ATOSA: variants seen among roughly 807,000 people sequenced by gnomAD.
The protein encoded by ATOSA is atos homolog A, also known as atos homolog protein A.
the ATOSA span, among the ~76,000 whole-genome samples, chr15:52,596,778 T>C: frequency 3.9e-5 from 6 of 152,330 alleles, no homozygotes; most frequent in East Asian, 7.7e-4. Context: ...GGCTAGGCAA[T>C]GTTTTTTTAG....
the ATOSA span, among the ~76,000 whole-genome samples, chr15:52,659,051 A>G: frequency 1.3e-5 from 2 of 151,834 alleles, no homozygotes; most frequent in African/African-American, 4.8e-5. Flanking sequence ...GCCATCTGAT[A>G]CTCTCTTACT....
chr15:52,619,275 A>C, the ATOSA span, among the ~76,000 whole-genome samples: 1 of 152,208 alleles, frequency 6.6e-6, no homozygotes, highest in Admixed American at 6.5e-5. Flanking sequence ...ATTTTTTTAA[A>C]GAAAAGTTAC....
At chr15:52,629,671 G>A in the ATOSA span, 8 of 408,596 alleles carry the variant, frequency 2.0e-5, no homozygotes, top group Middle Eastern at 7.8e-4. Flanking sequence ...GCCTGATGGC[G>A]GGCACCTGTA....
the ATOSA span, chr15:52,593,455 A>C: frequency 2.2e-6 from 2 of 899,290 alleles, no homozygotes; most frequent in African/African-American, 1.7e-5. Context: ...ATATTTTGGC[A>C]TATTAGTTTG....
At chr15:52,635,036 G>C in the ATOSA span, among the ~76,000 whole-genome samples, 1 of 152,178 alleles carries the variant, frequency 6.6e-6, no homozygotes, top group African/African-American at 2.4e-5. Context: ...TCAGAAAAAA[G>C]TGATATTGCT....
At chr15:52,678,106 G>A in the ATOSA span, 1 of 1,508,052 alleles carries the variant, frequency 6.6e-7, no homozygotes, top group Non-Finnish European at 9.2e-7. Context: ...TACGGCTTCT[G>A]CTTCGCTTTC....
the ATOSA span, among the ~76,000 whole-genome samples, chr15:52,610,627 TC>T: frequency 2.0e-5 from 3 of 152,210 alleles, no homozygotes; most frequent in Non-Finnish European, 4.4e-5. Context: ...GCATTAAAGC[TC>T]AAGAATATTA....
At chr15:52,664,125 T>C in the ATOSA span, among the ~76,000 whole-genome samples, 3 of 152,220 alleles carry the variant, frequency 2.0e-5, no homozygotes, top group African/African-American at 4.8e-5. Flanking sequence ...CACTCTGCCT[T>C]GTGCTCAGTC....
chr15:52,611,804 T>C, the ATOSA span: 8 of 1,607,582 alleles, frequency 5.0e-6, no homozygotes, highest in East Asian at 6.7e-5. Flanking sequence ...ATAAGCAAAA[T>C]GTCTCAAAAA....
At chr15:52,673,490 C>G in the ATOSA span, among the ~76,000 whole-genome samples, 1 of 152,182 alleles carries the variant, frequency 6.6e-6, no homozygotes, top group Non-Finnish European at 1.5e-5. Flanking sequence ...ATCCATAAAA[C>G]AGAGATGACA....
chr15:52,629,619 T>C, the ATOSA span: 25 of 402,162 alleles, frequency 6.2e-5, no homozygotes, highest in African/African-American at 4.5e-4. Context: ...CTGGCCAACA[T>C]GGTGAAATCC....
At chr15:52,632,986 G>T in the ATOSA span, among the ~76,000 whole-genome samples, 10 of 152,154 alleles carry the variant, frequency 6.6e-5, no homozygotes, top group East Asian at 1.9e-3. Flanking sequence ...ATTCACTGTA[G>T]AATTCAATTT....
the ATOSA span, among the ~76,000 whole-genome samples, chr15:52,672,109 G>A: frequency 7.1e-6 from 1 of 140,100 alleles, no homozygotes; most frequent in South Asian, 2.3e-4. Context: ...GGCTGAGCCA[G>A]GAGGGCTGCT....
the ATOSA span, among the ~76,000 whole-genome samples, chr15:52,641,351 C>G: frequency 0.56 from 85,876 of 152,182 alleles, 28,464 homozygotes; most frequent in Non-Finnish European, 0.74. Flanking sequence ...CAAGAGCCCC[C>G]CTACAGTGCT....
chr15:52,662,920 T>TA, the ATOSA span, among the ~76,000 whole-genome samples: 1 of 152,006 alleles, frequency 6.6e-6, no homozygotes, highest in Non-Finnish European at 1.5e-5. Context: ...GAAAAAGAAT[T>TA]AGCTAACAGT....
chr15:52,626,914 G>A, the ATOSA span, among the ~76,000 whole-genome samples: 2 of 152,130 alleles, frequency 1.3e-5, no homozygotes, highest in Non-Finnish European at 2.9e-5. Flanking sequence ...GCCTCTTGAG[G>A]TTTGATTCAT....
chr15:52,631,161 T>A, the ATOSA span, among the ~76,000 whole-genome samples: 1 of 152,200 alleles, frequency 6.6e-6, no homozygotes, highest in South Asian at 2.1e-4. Context: ...TTCATAATTT[T>A]AAAAAATTCA....
chr15:52,610,515 T>C, the ATOSA span: 1 of 896,870 alleles, frequency 1.1e-6, no homozygotes, highest in Middle Eastern at 2.7e-4. Context: ...GGTTTACTTT[T>C]AGCCACTTTA....
chr15:52,697,738 A>G, the ATOSA span, among the ~76,000 whole-genome samples: 1 of 152,074 alleles, frequency 6.6e-6, no homozygotes, highest in African/African-American at 2.4e-5. Context: ...AGTTATTAAG[A>G]AAAAGACAAC....
Sources: gnomAD v4.1 joint callset for allele counts (sites outside exome capture counted in the v4.1 genomes callset) on GRCh38, gnomAD v4.1.1 for gene constraint, MANE v1.5 for transcripts, NCBI Gene and HGNC (gene_info 2026-07-23, HGNC 2026-07-21) for gene names.